TRAPPC9: variants seen among roughly 807,000 people sequenced by gnomAD.
TRAPPC9 encodes trafficking protein particle complex subunit 9.
In TRAPPC9, 83 loss-of-function variants were observed where a neutral mutation model predicts 124.0. The ratio of observed to expected loss-of-function variants is 0.67; its 90% CI spans 0.56 to 0.80. TRAPPC9 has a LOEUF of 0.80. TRAPPC9 is among the 30% of genes least tolerant of loss of function. TRAPPC9 has a pLI of 0.00. For missense variants in TRAPPC9, 1,302 were observed against 1,508.3 expected, an observed-to-expected ratio of 0.86 and a Z score of 2.27; for synonymous variants, 638 against 617.5, an observed-to-expected ratio of 1.03 and a Z score of -0.49.
chr8:140,337,754 G>A (rs1459718809), intron 9 of TRAPPC9, among the ~76,000 whole-genome samples: 1 of 152,192 alleles, frequency 6.6e-6, no homozygotes, highest in Non-Finnish European at 1.5e-5. Flanking sequence ...ACAGAGGGAG[G>A]TGGAGCCAAG....
At chr8:140,394,934 C>A (rs914437500) in intron 7 of TRAPPC9, among the ~76,000 whole-genome samples, 1 of 152,162 alleles carries the variant, frequency 6.6e-6, no homozygotes. Flanking sequence ...TGTGGCCCGG[C>A]GCAGTGCTGA....
At chr8:139,868,228 G>A (rs2131017892) in intron 21 of TRAPPC9, among the ~76,000 whole-genome samples, 1 of 152,206 alleles carries the variant, frequency 6.6e-6, no homozygotes, top group South Asian at 2.1e-4. Flanking sequence ...GTGTGGTGGT[G>A]GACACCTGTA....
At chr8:140,004,420 T>C (rs1267206772) in intron 18 of TRAPPC9, among the ~76,000 whole-genome samples, 1 of 152,192 alleles carries the variant, frequency 6.6e-6, no homozygotes, top group Non-Finnish European at 1.5e-5. Context: ...AGGACCACAG[T>C]GCATTAAGTT....
At chr8:140,259,909 A>G (rs2064359983) in intron 15 of TRAPPC9, among the ~76,000 whole-genome samples, 1 of 152,252 alleles carries the variant, frequency 6.6e-6, no homozygotes, top group African/African-American at 2.4e-5. Context: ...CAGACGGAAA[A>G]GAGCTATGTG....
chr8:140,444,794 C>T (rs538000347), intron 2 of TRAPPC9, among the ~76,000 whole-genome samples: 1 of 148,146 alleles, frequency 6.8e-6, no homozygotes, highest in East Asian at 2.0e-4. Flanking sequence ...ACCGGGGAGG[C>T]GGAGGTTGCA....
intron 21 of TRAPPC9, among the ~76,000 whole-genome samples, chr8:139,837,330 G>A (rs982128269): frequency 2.6e-5 from 4 of 152,130 alleles, no homozygotes; most frequent in African/African-American, 9.7e-5. Context: ...CTGCCACGGG[G>A]CAGGGTCTTC....
At chr8:140,281,942 G>A (rs2065334725) in intron 14 of TRAPPC9, among the ~76,000 whole-genome samples, 1 of 152,092 alleles carries the variant, frequency 6.6e-6, no homozygotes, top group African/African-American at 2.4e-5. Flanking sequence ...CCCAGCACAT[G>A]GGACCTCCCG....
chr8:140,457,720 A>C lies in TRAPPC9; in HGVS notation c.-92T>G, dbSNP rs981415447. The C allele has an allele frequency of 1.0e-5, 10 of 989,942 alleles. No individual in the cohort carries two copies. The highest frequency in any genetic ancestry group is 1.2e-5 in the Non-Finnish European group (10 of 832,792). The allele number at this position is 989,942 out of a possible 1,614,324, so 61.3% of individuals were successfully genotyped here. Reference sequence around the variant, plus strand: ...CGAGCAGCCTCTGCGGCCACTTCCCAGGCTCTGGGCTGGCGCTTCCTACTG... The same window carrying C: ...CGAGCAGCCTCTGCGGCCACTTCCCCGGCTCTGGGCTGGCGCTTCCTACTG... On this transcript the variant is annotated 5_prime_UTR_variant, in exon 1 of 23. Coordinates refer to ENST00000438773, the MANE Select transcript of TRAPPC9 (RefSeq NM_001160372.4).
chr8:139,733,666 G>T (rs1291757672), intron 21 of TRAPPC9, among the ~76,000 whole-genome samples: 2 of 152,220 alleles, frequency 1.3e-5, no homozygotes, highest in Non-Finnish European at 2.9e-5. Context: ...ACATGATGGT[G>T]ACACGCATAG....
At chr8:140,285,856 G>A (rs2065468092) in intron 13 of TRAPPC9, among the ~76,000 whole-genome samples, 1 of 152,046 alleles carries the variant, frequency 6.6e-6, no homozygotes, top group African/African-American at 2.4e-5. Flanking sequence ...TCCCACTTGG[G>A]GCAGCACACC....
intron 18 of TRAPPC9, among the ~76,000 whole-genome samples, chr8:140,020,890 T>C (rs1839796934): frequency 6.6e-6 from 1 of 152,210 alleles, no homozygotes; most frequent in African/African-American, 2.4e-5. Flanking sequence ...TTAAAAATTG[T>C]CCTCTTTTTC....
At chr8:140,229,251 CTTTTT>C (rs528175891) in intron 16 of TRAPPC9, among the ~76,000 whole-genome samples, 358 of 99,608 alleles carry the variant, frequency 3.6e-3, no homozygotes, top group African/African-American at 0.016. Flanking sequence ...TTTTCTTTTT[CTTTTT>C]TTTTTTTTTT....
intron 4 of TRAPPC9, among the ~76,000 whole-genome samples, chr8:140,427,561 G>C (rs948398569): frequency 9.9e-5 from 15 of 152,140 alleles, no homozygotes; most frequent in Non-Finnish European, 1.5e-5. Flanking sequence ...CCAAACATCT[G>C]TGTGATCCAA....
chr8:140,207,401 G>GTCA (rs1166930834), intron 17 of TRAPPC9, among the ~76,000 whole-genome samples: 3 of 152,214 alleles, frequency 2.0e-5, no homozygotes, highest in African/African-American at 7.2e-5. Context: ...AACTAATAAT[G>GTCA]TCACCTAAAT....
chr8:139,929,974 A>G (rs543963517), intron 19 of TRAPPC9, among the ~76,000 whole-genome samples: 10 of 152,366 alleles, frequency 6.6e-5, no homozygotes, highest in African/African-American at 2.4e-4. Context: ...GCAGCACCTG[A>G]CACACAGAAG....
intron 21 of TRAPPC9, among the ~76,000 whole-genome samples, chr8:139,738,085 G>A (rs1235379102): frequency 1.3e-5 from 2 of 152,186 alleles, no homozygotes; most frequent in Non-Finnish European, 2.9e-5. Flanking sequence ...CTCTGACCAC[G>A]AGGGAGGCAG....
intron 18 of TRAPPC9, among the ~76,000 whole-genome samples, chr8:139,989,549 C>T (rs1002782365): frequency 6.6e-6 from 1 of 152,174 alleles, no homozygotes; most frequent in Non-Finnish European, 1.5e-5. Flanking sequence ...AATACAAACG[C>T]GATGTCCTGG....
chr8:140,435,204 T>C lies in TRAPPC9; in HGVS notation c.767A>G (p.Tyr256Cys), dbSNP rs770685187. 5.6e-6 allele frequency: 9 copies of C among 1,613,870 alleles called. No homozygotes were observed. Among genetic ancestry groups the C allele is most frequent in the Admixed American group, 5.0e-5 (3 of 59,978 alleles). The part of the protein sequence containing the change: ...LEGLCSASVI[Y>C]HYPGGTGGKS... Reference sequence around the variant, plus strand: ...CCCACCAGTTCCACCAGGATAGTGATAGATGACAGAAGCTGAACACAATCC... The same window carrying C: ...CCCACCAGTTCCACCAGGATAGTGACAGATGACAGAAGCTGAACACAATCC... The change falls in exon 4 of 23, where the codon TAT becomes TGT. Residue 256 changes from tyrosine (Y) to cysteine (C), a missense_variant. Physicochemically the swap from Tyr to Cys is radical, Grantham distance 194. Coordinates refer to ENST00000438773, the MANE Select transcript of TRAPPC9 (RefSeq NM_001160372.4).
chr8:140,236,854 C>T (rs1185089784), intron 16 of TRAPPC9, among the ~76,000 whole-genome samples: 1 of 152,178 alleles, frequency 6.6e-6, no homozygotes, highest in East Asian at 1.9e-4. Flanking sequence ...AATATTCTAA[C>T]ATACTGCTTT....
Sources: allele counts gnomAD v4.1 joint callset (sites outside exome capture counted in the v4.1 genomes callset), GRCh38; gene constraint gnomAD v4.1.1; transcripts MANE v1.5; gene names NCBI Gene and HGNC (gene_info 2026-07-23, HGNC 2026-07-21).